Variants in RIPOR2 observed in about 807,000 individuals in gnomAD.
RIPOR2 encodes RHO family interacting cell polarization regulator 2, also known as rho family-interacting cell polarization regulator 2.
RIPOR2 carries 39 observed loss-of-function variants against 114.5 expected under a neutral mutation model. The observed-to-expected ratio is 0.34, with a 90% confidence interval of 0.26 to 0.44. The LOEUF (loss-of-function observed/expected upper bound fraction) is 0.44, where lower values mean the gene tolerates loss of function less well. RIPOR2 is among the 20% of genes least tolerant of loss of function. The pLI, the probability that RIPOR2 is intolerant of heterozygous loss-of-function variation, is 1.00. For synonymous variants in RIPOR2, 445 were observed against 484.4 expected (o/e 0.92, Z 1.07); for missense variants, 1,007 against 1,255.1 (o/e 0.80, Z 2.99).
At chr6:25,005,738 T>TATATATATATATACACACAC (rs34572978) in intron 1 of RIPOR2, among the ~76,000 whole-genome samples, 5 of 70,700 alleles carry the variant, frequency 7.1e-5, no homozygotes, top group Admixed American at 6.4e-4. Context: ...TATATATATA[T>TATATATATATATACACACAC]ATACATTTAC....
At chr6:24,966,079 G>A (rs1439448801) in intron 1 of RIPOR2, among the ~76,000 whole-genome samples, 2 of 152,156 alleles carry the variant, frequency 1.3e-5, no homozygotes, top group Non-Finnish European at 2.9e-5. Flanking sequence ...GCATGAAAGA[G>A]GATATATAAT....
chr6:25,016,165 C>T (rs1163037823), intron 1 of RIPOR2, among the ~76,000 whole-genome samples: 1 of 151,902 alleles, frequency 6.6e-6, no homozygotes, highest in Non-Finnish European at 1.5e-5. Flanking sequence ...CCTCGGGCTC[C>T]CAAAGTGCTG....
At chr6:25,031,555 TG>T (rs1776933251) in intron 1 of RIPOR2, among the ~76,000 whole-genome samples, 2 of 144,142 alleles carry the variant, frequency 1.4e-5, no homozygotes. Flanking sequence ...AAAGATTGAC[TG>T]ATATATATAT....
At chr6:24,861,129 GAAC>G in intron 7 of RIPOR2, 93 bp from the exon 8 acceptor site, 1 of 746,368 alleles carries the variant, frequency 1.3e-6, no homozygotes. Context: ...ACCACTGCGT[GAAC>G]AACGAGAAGC....
intron 1 of RIPOR2, among the ~76,000 whole-genome samples, chr6:24,947,183 G>A (rs186248921): frequency 6.6e-6 from 1 of 152,036 alleles, no homozygotes; most frequent in Non-Finnish European, 1.5e-5. Context: ...CTTCCCTCCC[G>A]CAAATTCGGC....
intron 1 of RIPOR2, among the ~76,000 whole-genome samples, chr6:24,951,888 T>C (rs1373469707): frequency 6.6e-6 from 1 of 152,200 alleles, no homozygotes; most frequent in African/African-American, 2.4e-5. Context: ...TGGTAAAGAC[T>C]ACCTTGCCAC....
Position 24,842,874 on chromosome 6 carries a change from A to T in RIPOR2, c.1845T>A (p.Asp615Glu). The T allele has an allele frequency of 6.9e-7, 1 of 1,444,034 alleles. No homozygotes were observed. The allele number at this position is 1,444,034 out of a possible 1,614,324, so 89.5% of individuals were successfully genotyped here. A position where few individuals can be genotyped will look rare whatever the true frequency, so the allele number is the denominator to read the frequency against. The change falls in exon 13 of 22, where the codon GAT (aspartate) becomes GAA (glutamate). Residue 615 changes from aspartate to glutamate, a missense_variant. By Grantham distance (45) the Asp-to-Glu change is conservative. Transcript: ENST00000643898. ...AAAAGGTACTTACTTTTAGAATATC[A>T]TCCAAATTCATGACTTCTTGGTTCA... ...QDLNQEVMNLDDILKCKPAVS... is the reference protein window; with the variant it reads ...QDLNQEVMNLEDILKCKPAVS...
At chr6:24,830,975 C>T (rs374391604) in intron 16 of RIPOR2, among the ~76,000 whole-genome samples, 5 of 152,126 alleles carry the variant, frequency 3.3e-5, no homozygotes, top group Admixed American at 1.3e-4. Flanking sequence ...TTCGGCCTCC[C>T]AAAGTGCTGG....
intron 1 of RIPOR2, among the ~76,000 whole-genome samples, chr6:24,909,612 A>G (rs1056011117): frequency 1.3e-5 from 2 of 152,124 alleles, no homozygotes; most frequent in African/African-American, 4.8e-5. Flanking sequence ...CTCACACAGG[A>G]TGCCCAGTCC....
At chr6:24,839,879 A>G in intron 13 of RIPOR2, 1 of 1,133,550 alleles carries the variant, frequency 8.8e-7, no homozygotes, top group Non-Finnish European at 1.1e-6. Context: ...AATCCCAGAA[A>G]CAGGAAGTGG....
upstream of RIPOR2, among the ~76,000 whole-genome samples, chr6:24,938,385 G>A (rs1771935852): frequency 6.6e-6 from 1 of 152,096 alleles, no homozygotes; most frequent in African/African-American, 2.4e-5. Flanking sequence ...CCTTGACCTT[G>A]GACTTCTAGC....
At chr6:24,895,121 C>T (rs1038399955) in intron 1 of RIPOR2, among the ~76,000 whole-genome samples, 6 of 152,128 alleles carry the variant, frequency 3.9e-5, no homozygotes, top group Non-Finnish European at 7.4e-5. Context: ...GGCACCATCT[C>T]GGGTCACTGC....
At chr6:24,892,201 C>T (rs1277170224) in intron 1 of RIPOR2, among the ~76,000 whole-genome samples, 2 of 152,124 alleles carry the variant, frequency 1.3e-5, no homozygotes, top group African/African-American at 4.8e-5. Flanking sequence ...CCAAGACTCC[C>T]GTCTCCCCTA....
intron 4 of RIPOR2, among the ~76,000 whole-genome samples, chr6:24,871,215 C>T (rs754421679): frequency 2.6e-5 from 4 of 151,972 alleles, no homozygotes; most frequent in African/African-American, 2.4e-5. Flanking sequence ...TCCCGTCCTA[C>T]CTATTGAAGG....
chr6:24,879,689 A>G (rs1766168438), intron 1 of RIPOR2, among the ~76,000 whole-genome samples: 1 of 152,202 alleles, frequency 6.6e-6, no homozygotes, highest in African/African-American at 2.4e-5. Flanking sequence ...CATAGCTCCC[A>G]AGTCTGATGG....
chr6:24,950,075 G>T (rs1009263294), intron 1 of RIPOR2, among the ~76,000 whole-genome samples: 2 of 152,162 alleles, frequency 1.3e-5, no homozygotes, highest in African/African-American at 4.8e-5. Context: ...CATCCATGTA[G>T]TTCAGTTGTT....
chr6:24,943,057 C>T (rs978354009), intron 1 of RIPOR2, among the ~76,000 whole-genome samples: 1 of 152,300 alleles, frequency 6.6e-6, no homozygotes, highest in Non-Finnish European at 1.5e-5. Flanking sequence ...TTTACTGCAG[C>T]ACTATTCACA....
intron 1 of RIPOR2, among the ~76,000 whole-genome samples, chr6:24,961,456 C>T (rs1773304414): frequency 6.6e-6 from 1 of 152,140 alleles, no homozygotes; most frequent in Admixed American, 6.5e-5. Flanking sequence ...TTGGGTGGCT[C>T]TGAAGTCAAA....
chr6:24,867,910 C>T (rs1000668715), intron 6 of RIPOR2, among the ~76,000 whole-genome samples: 16 of 152,106 alleles, frequency 1.1e-4, no homozygotes, highest in Non-Finnish European at 1.8e-4. Context: ...CTTTGAAAAC[C>T]ATTGGGATTG....
Sources: allele counts gnomAD v4.1 joint callset (sites outside exome capture counted in the v4.1 genomes callset), GRCh38; gene constraint gnomAD v4.1.1; transcripts MANE v1.5; gene names NCBI Gene and HGNC (gene_info 2026-07-23, HGNC 2026-07-21).